Variants in PPP2R2B observed in about 807,000 individuals in gnomAD.
PPP2R2B encodes serine/threonine-protein phosphatase 2A 55 kDa regulatory subunit B beta isoform.
Under a neutral mutation model 46.0 loss-of-function variants are expected in PPP2R2B, and 5 were observed. That is an observed-to-expected ratio of 0.11 (90% confidence interval 0.06 to 0.23). The LOEUF is 0.23. Ranked by LOEUF, PPP2R2B falls within the 10% of genes least tolerant of loss-of-function variation. The pLI, the probability that PPP2R2B is intolerant of heterozygous loss-of-function variation, is 1.00. For missense variants in PPP2R2B, 367 were observed against 575.0 expected (o/e 0.64, Z 3.70); for synonymous variants, 215 against 206.7 (o/e 1.04, Z -0.34).
intron 5 of PPP2R2B, among the ~76,000 whole-genome samples, chr5:146,672,005 A>C (rs1777406394): frequency 6.6e-6 from 1 of 152,218 alleles, no homozygotes; most frequent in South Asian, 2.1e-4. Context: ...TAAGAGAAAA[A>C]TAATGAGCTC....
intron 7 of PPP2R2B, 42 bp from the exon 8 acceptor site, chr5:146,600,502 A>G (rs763839213): frequency 7.8e-5 from 125 of 1,594,736 alleles, no homozygotes; most frequent in Non-Finnish European, 9.9e-5. Context: ...AGCAATCCTT[A>G]TCAACTGACT....
chr5:146,628,487 C>T (rs1001715551), intron 7 of PPP2R2B, among the ~76,000 whole-genome samples: 7 of 152,272 alleles, frequency 4.6e-5, no homozygotes, highest in Admixed American at 6.5e-5. Context: ...GCAGCCCCAT[C>T]GCTACTGCTG....
At chr5:146,951,051 G>A (rs1193611145) in intron 1 of PPP2R2B, among the ~76,000 whole-genome samples, 1 of 151,946 alleles carries the variant, frequency 6.6e-6, no homozygotes, top group South Asian at 2.1e-4. Context: ...AAAGACCCAG[G>A]CAAATGGCCC....
intron 1 of PPP2R2B, among the ~76,000 whole-genome samples, chr5:146,943,685 T>A (rs1014068480): frequency 1.1e-4 from 16 of 152,168 alleles, no homozygotes; most frequent in African/African-American, 1.9e-4. Flanking sequence ...TTTTTTTTTT[T>A]TATAGCAGAA....
chr5:146,906,961 TAGCAGG>T (rs1763020346), intron 1 of PPP2R2B, among the ~76,000 whole-genome samples: 1 of 152,140 alleles, frequency 6.6e-6, no homozygotes, highest in African/African-American at 2.4e-5. Context: ...AGTTACACTG[TAGCAGG>T]AGACAGGATG....
intron 1 of PPP2R2B, among the ~76,000 whole-genome samples, chr5:146,917,635 G>A (rs1763440433): frequency 6.6e-6 from 1 of 152,088 alleles, no homozygotes; most frequent in South Asian, 2.1e-4. Flanking sequence ...AAATAAGGTG[G>A]GTTACAAATA....
intron 2 of PPP2R2B, among the ~76,000 whole-genome samples, chr5:147,079,445 C>CATATATACATATATATATATAT (rs1757903695): frequency 7.6e-6 from 1 of 132,300 alleles, no homozygotes; most frequent in African/African-American, 2.8e-5. Flanking sequence ...TATATATATA[C>CATATATACATATATATATATAT]ATATATATAT....
upstream of PPP2R2B, among the ~76,000 whole-genome samples, chr5:146,879,776 C>T (rs1762103114): frequency 6.6e-6 from 1 of 152,098 alleles, no homozygotes; most frequent in Admixed American, 6.5e-5. Flanking sequence ...CACTAGAAAG[C>T]CAATTTGGAA....
At chr5:147,064,873 G>A (rs1244946495) in intron 2 of PPP2R2B, among the ~76,000 whole-genome samples, 4 of 152,190 alleles carry the variant, frequency 2.6e-5, no homozygotes, top group African/African-American at 9.7e-5. Flanking sequence ...GTTGAACTTA[G>A]CAGTAAGAAA....
At chr5:146,878,817 G>GC, upstream of PPP2R2B, 1 of 1,266,126 alleles carries the variant, frequency 7.9e-7, no homozygotes, top group Non-Finnish European at 1.0e-6. This position sits in a 1 kb window ranked among gnomAD's most constrained non-coding sequence, Gnocchi z 4.5. Context: ...CGCGTCAGCA[G>GC]CCCCACGACT....
intron 1 of PPP2R2B, among the ~76,000 whole-genome samples, chr5:147,008,677 C>A (rs958922328): frequency 2.0e-5 from 3 of 152,164 alleles, no homozygotes; most frequent in Non-Finnish European, 4.4e-5. Flanking sequence ...CCCCACCCCC[C>A]ACTCCTATGT....
intron 1 of PPP2R2B, among the ~76,000 whole-genome samples, chr5:147,024,268 G>T (rs1393726415): frequency 6.6e-6 from 1 of 151,952 alleles, no homozygotes; most frequent in Non-Finnish European, 1.5e-5. Context: ...ACATCAGAAA[G>T]ACATTAATAT....
chr5:147,052,849 C>A (rs1756898191), intron 1 of PPP2R2B, among the ~76,000 whole-genome samples: 1 of 151,826 alleles, frequency 6.6e-6, no homozygotes, highest in Non-Finnish European at 1.5e-5. Flanking sequence ...CATGGAGAAC[C>A]AAATCTCCTC....
At chr5:146,762,119 A>G (rs1754202709) in intron 2 of PPP2R2B, among the ~76,000 whole-genome samples, 1 of 152,222 alleles carries the variant, frequency 6.6e-6, no homozygotes, top group South Asian at 2.1e-4. Flanking sequence ...ATATGATTTC[A>G]TACAACATGC....
At chr5:146,725,882 CT>C (rs1751833738) in intron 2 of PPP2R2B, among the ~76,000 whole-genome samples, 1 of 152,180 alleles carries the variant, frequency 6.6e-6, no homozygotes, top group South Asian at 2.1e-4. Context: ...ACTGTTGTAC[CT>C]TGTGCCTAGC....
intron 2 of PPP2R2B, among the ~76,000 whole-genome samples, chr5:146,830,023 T>C (rs1407579743): frequency 3.9e-5 from 6 of 152,226 alleles, no homozygotes; most frequent in Non-Finnish European, 8.8e-5. Context: ...GTGAGGATTA[T>C]GTAAGATATT....
At chr5:146,704,198 A>G (rs957867122) in intron 2 of PPP2R2B, among the ~76,000 whole-genome samples, 1 of 152,208 alleles carries the variant, frequency 6.6e-6, no homozygotes, top group African/African-American at 2.4e-5. Context: ...ATACATTCCA[A>G]TTTCAAGATA....
intron 1 of PPP2R2B, among the ~76,000 whole-genome samples, chr5:147,018,712 CAGG>C (rs1213709520): frequency 1.3e-5 from 2 of 152,100 alleles, no homozygotes; most frequent in Non-Finnish European, 1.5e-5. Flanking sequence ...GGACCCCTTG[CAGG>C]AGAACAAGGG....
intron 2 of PPP2R2B, among the ~76,000 whole-genome samples, chr5:146,715,518 G>A (rs990036653): frequency 1.3e-5 from 2 of 152,098 alleles, no homozygotes; most frequent in African/African-American, 4.8e-5. Context: ...TAGATCCATC[G>A]TCATATATTG....
Sources: allele counts gnomAD v4.1 joint callset (sites outside exome capture counted in the v4.1 genomes callset), GRCh38; gene constraint gnomAD v4.1.1; non-coding constraint Gnocchi (gnomAD v3.1); transcripts MANE v1.5; gene names NCBI Gene and HGNC (gene_info 2026-07-23, HGNC 2026-07-21).